The following ABCD3 variants were observed in gnomAD, a reference collection of about 807,000 sequenced individuals.
The protein encoded by ABCD3 is ATP binding cassette subfamily D member 3, also known as ATP-binding cassette sub-family D member 3.
In ABCD3, 41 loss-of-function variants were observed where a neutral mutation model predicts 105.5. The ratio of observed to expected loss-of-function variants is 0.39; its 90% CI spans 0.30 to 0.50. The LOEUF is 0.50. Ranked by LOEUF, ABCD3 falls within the 20% of genes least tolerant of loss-of-function variation. The pLI is 0.84. For missense variants in ABCD3, 622 were observed against 806.3 expected, an observed-to-expected ratio of 0.77 and a Z score of 2.77; for synonymous variants, 258 against 269.0, an observed-to-expected ratio of 0.96 and a Z score of 0.40.
chr1:94,484,859 A>G (rs1649209811), intron 10 of ABCD3, among the ~76,000 whole-genome samples: 1 of 152,248 alleles, frequency 6.6e-6, no homozygotes, highest in African/African-American at 2.4e-5. Flanking sequence ...ATTCCCACAG[A>G]AAGAATTTGT....
At chr1:94,481,105 C>G (rs995310033) in intron 9 of ABCD3, among the ~76,000 whole-genome samples, 1 of 152,158 alleles carries the variant, frequency 6.6e-6, no homozygotes, top group African/African-American at 2.4e-5. Flanking sequence ...TTATCAGTTG[C>G]ATGTATTTGA....
chr1:94,456,255 ATTTTTTTTTTTTTTTTTTTTTTTTT>A (rs71094301), intron 1 of ABCD3, among the ~76,000 whole-genome samples: 6 of 44,958 alleles, frequency 1.3e-4, no homozygotes, highest in African/African-American at 4.4e-4. Flanking sequence ...AAATGACAGA[ATTTTTTTTTTTTTTTTTTTTTTTTT>A]TTTTTTTTTT....
intron 16 of ABCD3, among the ~76,000 whole-genome samples, chr1:94,495,678 T>C (rs141514684): frequency 6.6e-6 from 1 of 152,272 alleles, no homozygotes; most frequent in East Asian, 1.9e-4. Flanking sequence ...CAACAAATAA[T>C]GTGGAAGGGT....
chr1:94,514,442 T>G (rs1320449852), intron 21 of ABCD3: 6 of 142,466 alleles, frequency 4.2e-5, no homozygotes, highest in African/African-American at 2.6e-5. Context: ...TCTATTAATG[T>G]TTTTTTTTTT....
chr1:94,389,497 C>T, the ABCD3 span, among the ~76,000 whole-genome samples: 7 of 152,366 alleles, frequency 4.6e-5, no homozygotes, highest in Admixed American at 2.6e-4. Context: ...CTGCAGATAA[C>T]TAGCCAGACC....
At chr1:94,426,528 C>G (rs1168023844) in intron 1 of ABCD3, among the ~76,000 whole-genome samples, 2 of 152,014 alleles carry the variant, frequency 1.3e-5, no homozygotes, top group Non-Finnish European at 2.9e-5. Context: ...CTTTCCCCCT[C>G]CTCACCTTGA....
the ABCD3 span, among the ~76,000 whole-genome samples, chr1:94,388,894 A>G: frequency 6.6e-6 from 1 of 152,178 alleles, no homozygotes; most frequent in African/African-American, 2.4e-5. Context: ...ACTGTTGCTC[A>G]ATCCCACCAA....
chr1:94,488,556 C>T lies in ABCD3; in HGVS notation c.1157+573C>T, dbSNP rs1479079263. On this transcript the variant is annotated intron_variant, in intron 13 of 22. Coordinates refer to ENST00000370214, the MANE Select transcript of ABCD3 (RefSeq NM_002858.4). Reference sequence around the variant, plus strand: ...AAAGGGCATGGTATGGTGTAAAAAACACCATAAATTTTAGGTCACCTGAAG... The same window carrying T: ...AAAGGGCATGGTATGGTGTAAAAAATACCATAAATTTTAGGTCACCTGAAG... Among the ~76,000 whole-genome samples, 3 of 151,970 alleles carry T rather than the reference C, an allele frequency of 2.0e-5. No homozygotes were observed. In the East Asian group the frequency reaches 5.8e-4, roughly 29 times the overall value.
intron 5 of ABCD3, among the ~76,000 whole-genome samples, chr1:94,474,569 A>G (rs1472055530): frequency 6.6e-6 from 1 of 152,138 alleles, no homozygotes; most frequent in Non-Finnish European, 1.5e-5. Context: ...TAGACTTTTT[A>G]AAATAAACAA....
chr1:94,499,844 G>A (rs886960548), intron 20 of ABCD3, among the ~76,000 whole-genome samples: 11 of 152,240 alleles, frequency 7.2e-5, no homozygotes, highest in African/African-American at 1.7e-4. Context: ...CTGCAGATCC[G>A]ACTATATACC....
intron 1 of ABCD3, among the ~76,000 whole-genome samples, chr1:94,438,657 C>T (rs1660017585): frequency 6.6e-6 from 1 of 152,172 alleles, no homozygotes; most frequent in Non-Finnish European, 1.5e-5. Flanking sequence ...GCCACCCCAG[C>T]CTTCAGCAAC....
Position 94,517,427 on chromosome 1 carries a change from T to G in ABCD3, c.*298T>G. On this transcript the variant is annotated 3_prime_UTR_variant, in exon 23 of 23. Transcript: ENST00000370214. ...GCTTCAATCACTGTAACCTGATTCA[T>G]CCTGGGATGTAAACCATTCGAAGTC... 2.9e-6 allele frequency: 1 copy of G among 346,228 alleles called. No individual in the cohort carries two copies. Among genetic ancestry groups the G allele is most frequent in the South Asian group, 2.5e-5 (1 of 39,644 alleles). 21.4% of individuals were successfully genotyped at this position (346,228 alleles called of 1,614,324 possible).
At chr1:94,494,388 C>A (rs997598400) in intron 16 of ABCD3, among the ~76,000 whole-genome samples, 1 of 152,140 alleles carries the variant, frequency 6.6e-6, no homozygotes, top group Non-Finnish European at 1.5e-5. Flanking sequence ...TTTTGGTTCA[C>A]TGTTATGAAT....
Position 94,438,672 on chromosome 1 carries a change from GCC to G in ABCD3, c.111-19933_111-19932del, listed in dbSNP as rs1345082804. On this transcript the variant is annotated intron_variant, in intron 1 of 22. Transcript: ENST00000370214. ...GCCACCCCAGCCTTCAGCAACCACT[GCC>G]CTGTTTGTTCAGCAGCCATTAACAT... Among the ~76,000 whole-genome samples the G allele has an allele frequency of 4.0e-4, 61 of 152,200 alleles. No homozygotes were observed. In the South Asian group the frequency reaches 0.012, roughly 31 times the overall value.
chr1:94,422,478 C>T (rs538294188), intron 1 of ABCD3, among the ~76,000 whole-genome samples: 113 of 152,316 alleles, frequency 7.4e-4, no homozygotes, highest in Non-Finnish European at 1.4e-3. Flanking sequence ...AAACTGGTCC[C>T]TGGTGCCAAA....
At chr1:94,513,542 A>G (rs1348872717) in intron 21 of ABCD3, 2 of 152,110 alleles carry the variant, frequency 1.3e-5, no homozygotes, top group Non-Finnish European at 2.9e-5. Context: ...AAACTTACAC[A>G]TTAAATACAT....
chr1:94,437,869 A>G (rs967913013), intron 1 of ABCD3, among the ~76,000 whole-genome samples: 5 of 152,158 alleles, frequency 3.3e-5, no homozygotes, highest in Non-Finnish European at 2.9e-5. Flanking sequence ...AGTTATTCCA[A>G]CCCTCATGGA....
At chr1:94,403,503 A>G in the ABCD3 span, among the ~76,000 whole-genome samples, 8 of 152,182 alleles carry the variant, frequency 5.3e-5, no homozygotes, top group African/African-American at 1.9e-4. Flanking sequence ...AATTTCCACT[A>G]TGATTGTCAC....
chr1:94,470,180 T>G (rs965743838), intron 4 of ABCD3, among the ~76,000 whole-genome samples: 1 of 152,200 alleles, frequency 6.6e-6, no homozygotes, highest in Non-Finnish European at 1.5e-5. Flanking sequence ...GAAAATGTCT[T>G]TCTTCTAGTC....
Sources: gnomAD v4.1 joint callset for allele counts (sites outside exome capture counted in the v4.1 genomes callset) on GRCh38, gnomAD v4.1.1 for gene constraint, MANE v1.5 for transcripts, NCBI Gene and HGNC (gene_info 2026-07-23, HGNC 2026-07-21) for gene names.